HEATR5A: variants seen among roughly 807,000 people sequenced by gnomAD.
The protein encoded by HEATR5A is HEAT repeat-containing protein 5A.
Under a neutral mutation model 218.8 loss-of-function variants are expected in HEATR5A, and 178 were observed. The observed-to-expected ratio is 0.81, with a 90% confidence interval of 0.72 to 0.92. The LOEUF (loss-of-function observed/expected upper bound fraction) is 0.92, where lower values mean the gene tolerates loss of function less well. HEATR5A is among the 40% of genes least tolerant of loss of function. The pLI is 0.00. For missense variants in HEATR5A, 2,420 were observed against 2,418.9 expected (o/e 1.00, Z -0.01); for synonymous variants, 864 against 871.6 (o/e 0.99, Z 0.15).
At chr14:31,411,160 T>A (rs1169199654) in intron 1 of HEATR5A, among the ~76,000 whole-genome samples, 3 of 149,052 alleles carry the variant, frequency 2.0e-5, no homozygotes, top group Non-Finnish European at 4.4e-5. Flanking sequence ...AAAAATATTA[T>A]TTATCAGAGG....
intron 16 of HEATR5A, among the ~76,000 whole-genome samples, chr14:31,357,004 T>A (rs1169076933): frequency 6.6e-6 from 1 of 152,212 alleles, no homozygotes; most frequent in African/African-American, 2.4e-5. Flanking sequence ...AAAGTAATTA[T>A]ATGCTCTATA....
chr14:31,349,839 C>T lies in HEATR5A; in HGVS notation c.2658G>A (p.Val886=), dbSNP rs767297547. ...AAESWARLAQ[V]VDDGAFTAGL... Reference sequence around the variant, plus strand: ...CAGCAGTAAAAGCTCCATCATCTACCACTTGGGCTAATCTAGCCCATGACT... The same window carrying T: ...CAGCAGTAAAAGCTCCATCATCTACTACTTGGGCTAATCTAGCCCATGACT... Residue 886 remains valine, a synonymous_variant, in exon 18 of 36, where the codon GTG becomes GTA. Transcript: ENST00000543095. 1.2e-6 allele frequency: 2 copies of T among 1,613,118 alleles called. No homozygotes were observed. Among genetic ancestry groups the T allele is most frequent in the Non-Finnish European group, 1.7e-6 (2 of 1,179,256 alleles).
intron 4 of HEATR5A, among the ~76,000 whole-genome samples, chr14:31,396,594 A>G (rs1190860262): frequency 6.6e-6 from 1 of 152,254 alleles, no homozygotes; most frequent in East Asian, 1.9e-4. Flanking sequence ...GAATCATTTC[A>G]TAGTAATATT....
intron 16 of HEATR5A, among the ~76,000 whole-genome samples, chr14:31,351,029 CCTTGGCCTCCCAAAGTG>C (rs1309832469): frequency 2.0e-5 from 3 of 152,174 alleles, no homozygotes; most frequent in African/African-American, 7.2e-5. Context: ...GATCCGCCCA[CCTTGGCCTCCCAAAGTG>C]CTGGGATTAC....
chr14:31,355,030 A>G (rs577816335), intron 16 of HEATR5A, among the ~76,000 whole-genome samples: 113 of 152,354 alleles, frequency 7.4e-4, no homozygotes, highest in African/African-American at 2.5e-3. Flanking sequence ...TTGCCTGGAT[A>G]ATTCCAATGT....
Position 31,398,884 on chromosome 14 carries a change from CTT to C in HEATR5A, c.339-105_339-104del, listed in dbSNP as rs748308467. The C allele has an allele frequency of 1.5e-4, 99 of 651,748 alleles. No homozygotes were observed. The Middle Eastern group carries it at 2.2e-3, about 15-fold the overall frequency. 40.4% of individuals were successfully genotyped at this position (651,748 alleles called of 1,614,324 possible). A position where few individuals can be genotyped will look rare whatever the true frequency, so the allele number is the denominator to read the frequency against. Reference sequence around the variant, plus strand: ...ACTGTTGAAAAATATCCCCCATTCTCTTGTCTTTTTACTTTCTTTGTATTATC... The same window carrying C: ...ACTGTTGAAAAATATCCCCCATTCTCGTCTTTTTACTTTCTTTGTATTATC... On this transcript the variant is annotated intron_variant, in intron 3 of 35. Transcript: ENST00000543095.
At chr14:31,396,556 G>A (rs2030661358) in intron 4 of HEATR5A, among the ~76,000 whole-genome samples, 1 of 152,244 alleles carries the variant, frequency 6.6e-6, no homozygotes, top group Non-Finnish European at 1.5e-5. Context: ...AGAAGTTGGA[G>A]TTGGAGGAAG....
In HEATR5A at chr14:31,293,232, A is replaced by G. The variant is rs1159137844; in HGVS notation, c.*73T>C. ...ACCTCTAAGGGCACTTGTGTCTACA[A>G]TGTCCCTTTTGTCACCAAAGGCAAT... On this transcript the variant is annotated 3_prime_UTR_variant, in exon 36 of 36. Transcript: ENST00000543095. 4 of 1,206,838 alleles carry G rather than the reference A, an allele frequency of 3.3e-6. No individual in the cohort carries two copies. The Admixed American group carries it at 9.5e-5, about 29-fold the overall frequency. The allele number at this position is 1,206,838 out of a possible 1,614,324, so 74.8% of individuals were successfully genotyped here. A position where few individuals can be genotyped will look rare whatever the true frequency, so the allele number is the denominator to read the frequency against.
At chr14:31,395,613 A>C (rs2030624484) in intron 4 of HEATR5A, among the ~76,000 whole-genome samples, 1 of 152,246 alleles carries the variant, frequency 6.6e-6, no homozygotes, top group Non-Finnish European at 1.5e-5. Flanking sequence ...CCTAGCAAAA[A>C]GCTTACATGC....
At chr14:31,328,233 T>G (rs6571408) in intron 22 of HEATR5A, among the ~76,000 whole-genome samples, 128,360 of 151,796 alleles carry the variant, frequency 0.85, 55,155 homozygotes, top group Non-Finnish European at 0.93. Context: ...TTGTAGGAGT[T>G]AGCCACTGTG....
At chr14:31,330,306 A>T (rs1900419148) in intron 22 of HEATR5A, among the ~76,000 whole-genome samples, 1 of 152,170 alleles carries the variant, frequency 6.6e-6, no homozygotes, top group Non-Finnish European at 1.5e-5. Context: ...CCTGAGCTGT[A>T]CCTTGGTCCC....
At chr14:31,387,479 A>C (rs1383908982) in intron 7 of HEATR5A, 104 bp from the exon 8 acceptor site, 1 of 882,846 alleles carries the variant, frequency 1.1e-6, no homozygotes, top group Non-Finnish European at 1.7e-6. Flanking sequence ...ATTCCTTATA[A>C]ATTGTATTCT....
chr14:31,355,398 G>A (rs1566765907), intron 16 of HEATR5A, among the ~76,000 whole-genome samples: 1 of 151,392 alleles, frequency 6.6e-6, no homozygotes, highest in Non-Finnish European at 1.5e-5. Context: ...GGTTGACAGA[G>A]CAAAACTCTG....
chr14:31,402,050 C>T (rs2030897913), intron 2 of HEATR5A, among the ~76,000 whole-genome samples: 1 of 151,816 alleles, frequency 6.6e-6, no homozygotes, highest in East Asian at 1.9e-4. Flanking sequence ...CTTTTTTTCC[C>T]TCTCTTAAAG....
chr14:31,309,259 A>G (rs1166705047), intron 28 of HEATR5A, 77 bp from the exon 29 acceptor site: 2 of 1,500,848 alleles, frequency 1.3e-6, no homozygotes, highest in Admixed American at 3.7e-5. Flanking sequence ...CAAGATATAG[A>G]CCATTTCCAT....
At position 31,331,990 on chromosome 14, in the gene HEATR5A, C is replaced by A. The variant is rs1377030237; in HGVS notation, c.3367+5486G>T. Among the ~76,000 whole-genome samples, 3 of 152,174 alleles carry A rather than the reference C, an allele frequency of 2.0e-5. No individual in the cohort carries two copies. The South Asian group carries it at 6.2e-4, about 32-fold the overall frequency. On this transcript the variant is annotated intron_variant, in intron 22 of 35. Coordinates refer to ENST00000543095, the MANE Select transcript of HEATR5A (RefSeq NM_015473.4). ...CACAAAGCCAAACCATATCCTTCTTCTTGGGAAATGCAAACTTAAGTATTT... is the reference window on the plus strand; with the variant it reads ...CACAAAGCCAAACCATATCCTTCTTATTGGGAAATGCAAACTTAAGTATTT...
intron 18 of HEATR5A, among the ~76,000 whole-genome samples, chr14:31,348,919 C>T (rs1005545597): frequency 8.5e-5 from 13 of 152,170 alleles, no homozygotes; most frequent in African/African-American, 3.1e-4. Flanking sequence ...ACTTATTATA[C>T]ATATATAACT....
At chr14:31,378,510 A>G (rs115116134) in intron 11 of HEATR5A, among the ~76,000 whole-genome samples, 1,925 of 152,274 alleles carry the variant, frequency 0.013, 24 homozygotes, top group African/African-American at 0.038. Context: ...CTACTTGGCC[A>G]GGTGCGGTGG....
chr14:31,359,287 AGTGTGTGTGT>A (rs35338545), intron 14 of HEATR5A, among the ~76,000 whole-genome samples: 1 of 50,448 alleles, frequency 2.0e-5, no homozygotes, highest in East Asian at 3.7e-4. Context: ...AAAGTGTAAG[AGTGTGTGTGT>A]GTGTGTGTGT....
Sources: allele counts gnomAD v4.1 joint callset (sites outside exome capture counted in the v4.1 genomes callset), GRCh38; gene constraint gnomAD v4.1.1; transcripts MANE v1.5; gene names NCBI Gene and HGNC (gene_info 2026-07-23, HGNC 2026-07-21).